SOX5: variants seen among roughly 807,000 people sequenced by gnomAD.
SOX5 encodes transcription factor SOX-5.
Under a neutral mutation model 92.0 loss-of-function variants are expected in SOX5, and 9 were observed. That is an observed-to-expected ratio of 0.10 (90% CI 0.06 to 0.17). The LOEUF is 0.17. SOX5 is among the 10% of genes least tolerant of loss of function. The probability of loss-of-function intolerance (pLI) is 1.00; values close to 1 mark genes in which losing one functional copy is unlikely to be tolerated. For synonymous variants in SOX5, 344 were observed against 336.3 expected (o/e 1.02, Z -0.25); for missense variants, 642 against 944.5 (o/e 0.68, Z 4.20).
chr12:23,678,943 TA>T (rs1317345202), intron 6 of SOX5, among the ~76,000 whole-genome samples: 3 of 152,106 alleles, frequency 2.0e-5, no homozygotes, highest in Non-Finnish European at 2.9e-5. Context: ...ATAACTTGTA[TA>T]AAAAATTTTA....
At chr12:23,838,650 AGAG>A (rs2096466267) in intron 3 of SOX5, among the ~76,000 whole-genome samples, 1 of 152,064 alleles carries the variant, frequency 6.6e-6, no homozygotes, top group Non-Finnish European at 1.5e-5. Context: ...ATATATTTGT[AGAG>A]AAGAAAGTAC....
At chr12:24,103,231 A>C (rs1946292930) in intron 4 of SOX5, among the ~76,000 whole-genome samples, 1 of 152,248 alleles carries the variant, frequency 6.6e-6, no homozygotes, top group South Asian at 2.1e-4. Context: ...TGTGGATATT[A>C]TCTGAGCAGC....
chr12:23,789,849 T>C (rs554641333), intron 3 of SOX5, among the ~76,000 whole-genome samples: 8 of 152,246 alleles, frequency 5.3e-5, no homozygotes, highest in African/African-American at 1.9e-4. Context: ...AAAATAACCA[T>C]GTACATAGAA....
At chr12:23,771,899 T>G (rs548418420) in intron 3 of SOX5, among the ~76,000 whole-genome samples, 5 of 152,276 alleles carry the variant, frequency 3.3e-5, no homozygotes, top group South Asian at 4.1e-4. Flanking sequence ...CCTTGGTATA[T>G]AAAAAATGTG....
At chr12:24,348,363 C>T (rs1349453408) in intron 2 of SOX5, among the ~76,000 whole-genome samples, 1 of 42,720 alleles carries the variant, frequency 2.3e-5, no homozygotes, top group Non-Finnish European at 5.8e-5. Flanking sequence ...TCTATTGACT[C>T]CTATTTATTT....
intron 6 of SOX5, among the ~76,000 whole-genome samples, chr12:23,726,118 C>A (rs571697395): frequency 8.1e-6 from 1 of 123,648 alleles, no homozygotes; most frequent in African/African-American, 3.2e-5. Context: ...CATACATCCC[C>A]GAGAGAGAGA....
intron 7 of SOX5, among the ~76,000 whole-genome samples, chr12:23,654,495 C>A (rs2082068884): frequency 6.6e-6 from 1 of 152,060 alleles, no homozygotes; most frequent in Admixed American, 6.6e-5. Flanking sequence ...AAAACAAAAT[C>A]ATTCTTCACT....
At chr12:24,011,190 T>G (rs1952889478) in intron 4 of SOX5, among the ~76,000 whole-genome samples, 1 of 152,134 alleles carries the variant, frequency 6.6e-6, no homozygotes, top group South Asian at 2.1e-4. Flanking sequence ...ATTGCTTATT[T>G]GCAGATTATC....
intron 2 of SOX5, among the ~76,000 whole-genome samples, chr12:24,305,813 T>A (rs1405229411): frequency 6.6e-6 from 1 of 152,168 alleles, no homozygotes; most frequent in Admixed American, 6.5e-5. Flanking sequence ...CCCACGCTGG[T>A]CTTGAACTCC....
intron 3 of SOX5, among the ~76,000 whole-genome samples, chr12:24,271,041 A>G (rs1304564264): frequency 1.3e-5 from 2 of 152,244 alleles, no homozygotes; most frequent in Non-Finnish European, 2.9e-5. Context: ...TCTAGGAATA[A>G]TAAAATTGCT....
intron 1 of SOX5, among the ~76,000 whole-genome samples, chr12:23,924,359 CT>C (rs1569023065): frequency 6.6e-6 from 1 of 152,040 alleles, no homozygotes; most frequent in African/African-American, 2.4e-5. Context: ...TAGGACCAGA[CT>C]TTATCATCAA....
chr12:24,376,878 ATTT>A (rs33940692), intron 1 of SOX5, among the ~76,000 whole-genome samples: 2 of 139,898 alleles, frequency 1.4e-5, no homozygotes, highest in African/African-American at 5.4e-5. Context: ...AATTTTTTGA[ATTT>A]TTTTTTTTTT....
In SOX5 at chr12:23,570,927, AAAAATATATATATATATATATATATAT is replaced by A. The variant is rs1399476978; in HGVS notation, c.1342+4707_1342+4733del. 5.5e-3 allele frequency among the ~76,000 whole-genome samples: 134 copies of A among 24,486 alleles called. 13 individuals are homozygous for A. Among genetic ancestry groups the A allele is most frequent in the Non-Finnish European group, 7.9e-3 (107 of 13,564 alleles). The allele number at this position is 24,486 out of a possible 152,430, so 16.1% of individuals were successfully genotyped here. On this transcript the variant is annotated intron_variant, in intron 10 of 14. Transcript: ENST00000451604. ...CTCCAACTCAAAAAAAAAAAAAAAA[AAAAATATATATATATATATATATATAT>A]ATATATATATATATATATATATATA...
intron 4 of SOX5, among the ~76,000 whole-genome samples, chr12:23,972,838 C>T (rs1320197834): frequency 1.3e-5 from 2 of 152,088 alleles, no homozygotes; most frequent in Non-Finnish European, 2.9e-5. Context: ...AAAATCTATT[C>T]TATTAGCTAT....
intron 4 of SOX5, among the ~76,000 whole-genome samples, chr12:23,975,188 T>C (rs879843013): frequency 1.3e-5 from 2 of 152,162 alleles, no homozygotes; most frequent in Admixed American, 6.5e-5. Context: ...GAAAAAAGAT[T>C]TGCAAACATA....
At chr12:24,279,501 A>T (rs1196999007) in intron 2 of SOX5, among the ~76,000 whole-genome samples, 1 of 152,172 alleles carries the variant, frequency 6.6e-6, no homozygotes, top group Non-Finnish European at 1.5e-5. Flanking sequence ...TACTTTAAAA[A>T]TTACTAAGAT....
At chr12:24,291,195 G>C (rs1016719103) in intron 2 of SOX5, among the ~76,000 whole-genome samples, 1 of 152,134 alleles carries the variant, frequency 6.6e-6, no homozygotes, top group Non-Finnish European at 1.5e-5. Context: ...TTGCTAAGAA[G>C]GGCACACAGC....
intron 8 of SOX5, among the ~76,000 whole-genome samples, chr12:23,609,044 TC>T (rs1391262913): frequency 6.6e-6 from 1 of 152,122 alleles, no homozygotes; most frequent in Non-Finnish European, 1.5e-5. Context: ...AGGTATGTTT[TC>T]ATAGAAGAAA....
intron 2 of SOX5, among the ~76,000 whole-genome samples, chr12:24,314,408 TA>T (rs1450862764): frequency 2.0e-5 from 3 of 151,634 alleles, no homozygotes; most frequent in African/African-American, 7.3e-5. Flanking sequence ...GAGATATACC[TA>T]ATGTTAAATG....
Sources: allele counts gnomAD v4.1 joint callset (sites outside exome capture counted in the v4.1 genomes callset), GRCh38; gene constraint gnomAD v4.1.1; transcripts MANE v1.5; gene names NCBI Gene and HGNC (gene_info 2026-07-23, HGNC 2026-07-21).